The following GPRC5A variants were observed in gnomAD, a reference collection of about 807,000 sequenced individuals.
GPRC5A encodes the protein retinoic acid-induced protein 3.
GPRC5A carries 19 observed loss-of-function variants against 22.5 expected under a neutral mutation model. That is an observed-to-expected ratio of 0.85 (90% CI 0.59 to 1.24). The LOEUF is 1.24. GPRC5A is among the 50% of genes most tolerant of loss of function. GPRC5A has a pLI of 0.00. For synonymous variants in GPRC5A, 192 were observed against 184.5 expected (o/e 1.04, Z -0.33); for missense variants, 471 against 451.1 (o/e 1.04, Z -0.40).
At chr12:12,903,169 G>T (rs980276815) in intron 1 of GPRC5A, among the ~76,000 whole-genome samples, 13 of 152,160 alleles carry the variant, frequency 8.5e-5, no homozygotes, top group Admixed American at 8.5e-4. Context: ...GTGGGGTGGG[G>T]AATGCAGACG....
rs752847044 is a variant in GPRC5A, at chr12:12,908,387, G to A, written c.138G>A (p.Met46Ile). The A allele has an allele frequency of 3.1e-6, 5 of 1,614,014 alleles. No individual in the cohort carries two copies. The Admixed American group carries it at 5.0e-5, about 16-fold the overall frequency. Residue 46 changes from methionine to isoleucine, a missense_variant, in exon 2 of 4, where the codon ATG becomes ATA. Transcript: ENST00000014914. ...GGGTTGTGACCTCGGTGGCCTTCAT[G>A]CTCACTCTCCCGATCCTCGTCTGCA... ...TAGVVTSVAF[M>I]LTLPILVCKV...
intron 1 of GPRC5A, 191 bp downstream of exon 1, chr12:12,891,855 T>TC (rs1189546431): frequency 2.1e-5 from 3 of 141,184 alleles, no homozygotes; most frequent in African/African-American, 8.0e-5. Flanking sequence ...TTTTTTTTTT[T>TC]TCCCCTTTGC....
chr12:12,906,418 A>G lies in GPRC5A; in HGVS notation c.-7-1825A>G, dbSNP rs1384807428. Among the ~76,000 whole-genome samples the G allele has an allele frequency of 1.3e-5, 2 of 152,058 alleles. 1 individual carries two copies. Among genetic ancestry groups the G allele is most frequent in the African/African-American group, 4.8e-5 (2 of 41,402 alleles). ...AAACCCCATCTCTACAAAAATACAAAAATTAGCGGGGTGTGGTGGCACACG... is the reference window on the plus strand; with the variant it reads ...AAACCCCATCTCTACAAAAATACAAGAATTAGCGGGGTGTGGTGGCACACG... On this transcript the variant is annotated intron_variant, in intron 1 of 3. Coordinates refer to ENST00000014914, the MANE Select transcript of GPRC5A (RefSeq NM_003979.4).
Position 12,912,601 on chromosome 12 carries a change from A to G in GPRC5A, c.*62A>G, listed in dbSNP as rs1864016863. ...GCAGATCTAGCGGGAGCTCAAAGGG[A>G]TGTGGGCGAAATCTTGAGTCTTCTG... On this transcript the variant is annotated 3_prime_UTR_variant, in exon 4 of 4. Transcript: ENST00000014914. 1.1e-6 allele frequency: 1 copy of G among 949,424 alleles called. No individual in the cohort carries two copies. Among genetic ancestry groups the G allele is most frequent in the East Asian group, 2.4e-5 (1 of 41,918 alleles). 58.8% of individuals were successfully genotyped at this position (949,424 alleles called of 1,614,324 possible).
chr12:12,899,369 A>C (rs1332604822), intron 1 of GPRC5A, among the ~76,000 whole-genome samples: 1 of 152,188 alleles, frequency 6.6e-6, no homozygotes, highest in East Asian at 1.9e-4. Flanking sequence ...CTTCTCAGCA[A>C]GCCAATGCTT....
chr12:12,907,634 C>T (rs569611272), intron 1 of GPRC5A, among the ~76,000 whole-genome samples: 4 of 152,084 alleles, frequency 2.6e-5, no homozygotes, highest in African/African-American at 7.2e-5. Context: ...AATATATACA[C>T]GTATATATAT....
In GPRC5A at chr12:12,912,143, G is replaced by C. The variant is rs1008888356; in HGVS notation, c.981+1G>C. 6.8e-6 allele frequency: 11 copies of C among 1,607,298 alleles called. No individual in the cohort carries two copies. Among genetic ancestry groups the C allele is most frequent in the Non-Finnish European group, 9.4e-6 (11 of 1,173,758 alleles). On this transcript the variant is annotated splice_donor_variant, in intron 3 of 3. Coordinates refer to ENST00000014914, the MANE Select transcript of GPRC5A (RefSeq NM_003979.4). LOFTEE classifies it high-confidence loss of function. ...CTATTCCACACATTTTCAGCTGCAG[G>C]TAAGTGATTTTTTTCTCCCTCTTCA...
intron 1 of GPRC5A, among the ~76,000 whole-genome samples, chr12:12,899,853 T>C (rs141508407): frequency 1.2e-4 from 19 of 152,256 alleles, no homozygotes; most frequent in African/African-American, 4.6e-4. Context: ...AGAAATCTCA[T>C]AGGAAGGAAG....
Position 12,915,708 on chromosome 12 carries a change from T to C in GPRC5A, c.*3169T>C. On this transcript the variant is annotated 3_prime_UTR_variant, in exon 4 of 4. Transcript: ENST00000014914. Reference sequence around the variant, plus strand: ...GGTTTCACTATATGGGCCAGGCAGATCTCGAACTCCAAACCTCGTGATCCA... The same window carrying C: ...GGTTTCACTATATGGGCCAGGCAGACCTCGAACTCCAAACCTCGTGATCCA... 3.3e-6 allele frequency: 1 copy of C among 300,190 alleles called. No homozygotes were observed. Among genetic ancestry groups the C allele is most frequent in the South Asian group, 2.6e-5 (1 of 38,952 alleles). 18.6% of individuals were successfully genotyped at this position (300,190 alleles called of 1,614,324 possible).
At chr12:12,901,900 AAAT>A (rs1863891978) in intron 1 of GPRC5A, among the ~76,000 whole-genome samples, 1 of 152,124 alleles carries the variant, frequency 6.6e-6, no homozygotes, top group Non-Finnish European at 1.5e-5. Flanking sequence ...CTTTGGTTAC[AAAT>A]AATATCCAAA....
chr12:12,895,166 A>G (rs2136454827), intron 1 of GPRC5A, among the ~76,000 whole-genome samples: 1 of 152,250 alleles, frequency 6.6e-6, no homozygotes, highest in South Asian at 2.1e-4. Context: ...CTTTGATTAC[A>G]ACTTTGTATG....
chr12:12,892,751 C>T (rs745432169), intron 1 of GPRC5A, among the ~76,000 whole-genome samples: 4 of 152,174 alleles, frequency 2.6e-5, no homozygotes, highest in African/African-American at 4.8e-5. Context: ...ACTTTCCATT[C>T]CTGACTTCTT....
intron 1 of GPRC5A, among the ~76,000 whole-genome samples, chr12:12,892,444 C>T (rs1369923115): frequency 6.6e-6 from 1 of 152,054 alleles, no homozygotes; most frequent in Non-Finnish European, 1.5e-5. Context: ...CTCAGCTCAC[C>T]GCGACCTCCA....
intron 1 of GPRC5A, among the ~76,000 whole-genome samples, chr12:12,892,229 C>T (rs530670396): frequency 3.9e-5 from 6 of 152,266 alleles, no homozygotes; most frequent in African/African-American, 1.4e-4. Context: ...TTGAGTTGCT[C>T]AGAAACCTGG....
intron 1 of GPRC5A, among the ~76,000 whole-genome samples, chr12:12,900,604 CCTTT>C (rs1863871963): frequency 6.6e-6 from 1 of 152,090 alleles, no homozygotes; most frequent in Non-Finnish European, 1.5e-5. Flanking sequence ...TTTTTCTAAA[CCTTT>C]CTTTTGGGGC....
chr12:12,911,974 G>C, intron 2 of GPRC5A, 110 bp from the exon 3 acceptor site: 1 of 708,372 alleles, frequency 1.4e-6, no homozygotes, highest in Non-Finnish European at 2.5e-6. Context: ...AGGTCTGCTG[G>C]AGAGACAGGC....
chr12:12,901,781 A>C (rs1186923483), intron 1 of GPRC5A, among the ~76,000 whole-genome samples: 11 of 151,540 alleles, frequency 7.3e-5, no homozygotes, highest in Admixed American at 7.2e-4. Context: ...AAAAAAAAAA[A>C]AACCATCCTG....
At chr12:12,897,194 T>A (rs1863830141) in intron 1 of GPRC5A, among the ~76,000 whole-genome samples, 2 of 122,520 alleles carry the variant, frequency 1.6e-5, no homozygotes, top group Non-Finnish European at 3.2e-5. Context: ...GCCACTGTAC[T>A]CCCAGGCTGG....
chr12:12,900,923 A>AAAAAAAAAAAAAAAAAC (rs1555104732), intron 1 of GPRC5A, among the ~76,000 whole-genome samples: 3 of 109,878 alleles, frequency 2.7e-5, no homozygotes, highest in Admixed American at 1.2e-4. Context: ...ACAAAAAAAA[A>AAAAAAAAAAAAAAAAAC]ACAACCCAGA....
Sources: gnomAD v4.1 joint callset for allele counts (sites outside exome capture counted in the v4.1 genomes callset) on GRCh38, gnomAD v4.1.1 for gene constraint, MANE v1.5 for transcripts, NCBI Gene and HGNC (gene_info 2026-07-23, HGNC 2026-07-21) for gene names.